Variants in RGS12 observed in about 807,000 individuals in gnomAD.
RGS12 encodes the protein regulator of G protein signaling 12.
RGS12 carries 66 observed loss-of-function variants against 120.1 expected under a neutral mutation model. That is an observed-to-expected ratio of 0.55 (90% CI 0.45 to 0.67). The LOEUF is 0.67. Among genes scored for constraint, RGS12 ranks in the 30% least tolerant of loss-of-function variants. The pLI is 0.00. For missense variants in RGS12, 1,859 were observed against 1,957.7 expected (o/e 0.95, Z 0.95); for synonymous variants, 827 against 804.7 (o/e 1.03, Z -0.47).
chr4:3,409,236 GGCAGGAGCAGGA>G, intron 4 of RGS12, among the ~76,000 whole-genome samples: 1 of 152,338 alleles, frequency 6.6e-6, no homozygotes. Flanking sequence ...GGACCCCAAG[GGCAGGAGCAGGA>G]GCACACTGGG....
At chr4:3,405,085 CT>C (rs1304326506) in intron 4 of RGS12, among the ~76,000 whole-genome samples, 1 of 152,184 alleles carries the variant, frequency 6.6e-6, no homozygotes, top group Non-Finnish European at 1.5e-5. Context: ...AGATAAATGG[CT>C]TTGTAGTAAC....
At chr4:3,414,923 C>A in intron 6 of RGS12, 79 bp downstream of exon 6, 1 of 1,016,886 alleles carries the variant, frequency 9.8e-7, no homozygotes, top group Non-Finnish European at 1.5e-6. Flanking sequence ...TGTGAGAGGG[C>A]CACGTGTGTG....
intron 2 of RGS12, among the ~76,000 whole-genome samples, chr4:3,319,275 G>A (rs1204038656): frequency 1.3e-5 from 2 of 152,310 alleles, no homozygotes; most frequent in East Asian, 3.9e-4. Flanking sequence ...GGGTGACAGA[G>A]CGAGACTCTG....
At chr4:3,426,736 G>T (rs895543615) in intron 14 of RGS12, 1 of 152,168 alleles carries the variant, frequency 6.6e-6, no homozygotes, top group Non-Finnish European at 1.5e-5. Context: ...CGTGAGGAAG[G>T]TTACTCAGAC....
In RGS12 at chr4:3,306,466, C is replaced by T. The variant is rs200376193; in HGVS notation, c.-101-9604C>T. On this transcript the variant is annotated intron_variant, in intron 1 of 17. Coordinates refer to ENST00000336727, the MANE Select transcript of RGS12 (RefSeq NM_001394154.1). ...AAGTCCCGCTCGATAAGCGGCACAGCCTTTCCACCCCTGTTTCATCTAAAT... is the reference window on the plus strand; with the variant it reads ...AAGTCCCGCTCGATAAGCGGCACAGTCTTTCCACCCCTGTTTCATCTAAAT... Among the ~76,000 whole-genome samples, 31 of 152,342 alleles carry T rather than the reference C, an allele frequency of 2.0e-4. No homozygotes were observed. In the South Asian group the frequency reaches 3.5e-3, roughly 17 times the overall value.
chr4:3,365,294 T>C lies in RGS12; in HGVS notation c.1999-21122T>C, dbSNP rs1480335830. On this transcript the variant is annotated intron_variant, in intron 3 of 17. Transcript: ENST00000336727. This position sits in a 1 kb window ranked among gnomAD's most constrained non-coding sequence, Gnocchi z 4.0. ...GCTACAGCGGCAGAGTGGGGTCGAG[T>C]GCGTGGTGTCGCCTGCACAGCGGGC... 1.3e-5 allele frequency among the ~76,000 whole-genome samples: 2 copies of C among 152,062 alleles called. No individual in the cohort carries two copies. Among genetic ancestry groups the C allele is most frequent in the Non-Finnish European group, 1.5e-5 (1 of 67,996 alleles).
chr4:3,397,085 A>ATATG (rs1239506758), intron 4 of RGS12, among the ~76,000 whole-genome samples: 3 of 152,230 alleles, frequency 2.0e-5, no homozygotes, highest in Admixed American at 6.5e-5. Context: ...ATAAGTATCT[A>ATATG]ACACCAGCAT....
intron 4 of RGS12, among the ~76,000 whole-genome samples, chr4:3,400,963 A>C (rs929314883): frequency 6.6e-6 from 1 of 152,056 alleles, no homozygotes; most frequent in African/African-American, 2.4e-5. Context: ...GGCCAGCACT[A>C]CATGGCAAGA....
upstream of RGS12, among the ~76,000 whole-genome samples, chr4:3,290,456 G>T (rs927512437): frequency 6.6e-6 from 1 of 152,182 alleles, no homozygotes; most frequent in African/African-American, 2.4e-5. Flanking sequence ...CCTATAAGTG[G>T]AATCAGACAG....
chr4:3,298,437 A>G (rs11933512), intron 1 of RGS12, among the ~76,000 whole-genome samples: 4,003 of 152,112 alleles, frequency 0.026, 160 homozygotes, highest in African/African-American at 0.087. Flanking sequence ...TGCAGCCCCA[A>G]ACTCCTGGGC....
chr4:3,397,787 A>G (rs113480437), intron 4 of RGS12, among the ~76,000 whole-genome samples: 1,822 of 152,376 alleles, frequency 0.012, 14 homozygotes, highest in Non-Finnish European at 0.019. Flanking sequence ...CAGCGTTTCA[A>G]TGAAACTCAT....
rs146771689 is a variant in RGS12, at chr4:3,433,999, G to A, written c.4114+3044G>A. On this transcript the variant is annotated intron_variant, in intron 17 of 17. Transcript: ENST00000336727. This position sits in a 1 kb window ranked among gnomAD's most constrained non-coding sequence, Gnocchi z 4.4. ...GTCAGGCCCCTCGTGAGGCTCCAGGGCACGCTGGCAGAGGTGTGCATGTGT... is the reference window on the plus strand; with the variant it reads ...GTCAGGCCCCTCGTGAGGCTCCAGGACACGCTGGCAGAGGTGTGCATGTGT... 3.3e-5 allele frequency among the ~76,000 whole-genome samples: 5 copies of A among 152,370 alleles called. No homozygotes were observed. The highest frequency in any genetic ancestry group is 5.9e-5 in the Non-Finnish European group (4 of 68,034).
chr4:3,395,736 C>A (rs1719984730), intron 4 of RGS12, among the ~76,000 whole-genome samples: 1 of 152,110 alleles, frequency 6.6e-6, no homozygotes, highest in Non-Finnish European at 1.5e-5. Flanking sequence ...AGTGCTTGTT[C>A]AAGACTTTTG....
chr4:3,333,634 T>C (rs1382420701), intron 2 of RGS12, among the ~76,000 whole-genome samples: 1 of 152,242 alleles, frequency 6.6e-6, no homozygotes, highest in Admixed American at 6.5e-5. Flanking sequence ...CCCTCTGTCA[T>C]GGATCATGTG....
At chr4:3,380,234 G>T (rs1415256417) in intron 3 of RGS12, among the ~76,000 whole-genome samples, 1 of 152,258 alleles carries the variant, frequency 6.6e-6, no homozygotes, top group East Asian at 1.9e-4. Flanking sequence ...CACATCCAGG[G>T]CATGCTGATG....
chr4:3,422,213 A>G (rs1723090474), intron 10 of RGS12, among the ~76,000 whole-genome samples, 163 bp from the exon 11 acceptor site: 1 of 152,188 alleles, frequency 6.6e-6, no homozygotes, highest in African/African-American at 2.4e-5. Flanking sequence ...GGCAGTGTGG[A>G]CTGAGCCTGA....
chr4:3,343,729 G>C (rs1255039223), intron 3 of RGS12, among the ~76,000 whole-genome samples: 1 of 151,360 alleles, frequency 6.6e-6, no homozygotes, highest in Admixed American at 6.6e-5. Flanking sequence ...CGCCGCCCTG[G>C]AAATCCTCTA....
intron 3 of RGS12, among the ~76,000 whole-genome samples, chr4:3,381,326 A>C (rs186410998): frequency 6.6e-6 from 1 of 151,906 alleles, no homozygotes; most frequent in African/African-American, 2.4e-5. Flanking sequence ...AACAGTTCCA[A>C]CCTCTGCCTG....
At chr4:3,387,802 G>A (rs1719009886) in intron 4 of RGS12, among the ~76,000 whole-genome samples, 2 of 152,152 alleles carry the variant, frequency 1.3e-5, no homozygotes, top group South Asian at 4.1e-4. Context: ...ATTTCTTGCA[G>A]GCAATTTATA....
Sources: gnomAD v4.1 joint callset for allele counts (sites outside exome capture counted in the v4.1 genomes callset) on GRCh38, gnomAD v4.1.1 for gene constraint, Gnocchi (gnomAD v3.1) non-coding constraint, MANE v1.5 for transcripts, NCBI Gene and HGNC (gene_info 2026-07-23, HGNC 2026-07-21) for gene names.